Variants in NT5DC3 observed in about 807,000 individuals in gnomAD.
NT5DC3 encodes 5'-nucleotidase domain containing 3.
NT5DC3 carries 42 observed loss-of-function variants against 67.8 expected under a neutral mutation model. The observed-to-expected ratio is 0.62, with a 90% CI of 0.48 to 0.80. The LOEUF is 0.80. NT5DC3 is among the 30% of genes least tolerant of loss of function. The pLI, the probability that NT5DC3 is intolerant of heterozygous loss-of-function variation, is 0.00. For missense variants in NT5DC3, 570 were observed against 696.4 expected, an observed-to-expected ratio of 0.82 and a Z score of 2.04; for synonymous variants, 237 against 255.6, an observed-to-expected ratio of 0.93 and a Z score of 0.69.
At chr12:103,766,405 C>T, downstream of NT5DC3, 1 of 1,537,936 alleles carries the variant, frequency 6.5e-7, no homozygotes, top group Non-Finnish European at 8.8e-7. Context: ...TTCTCAGCAC[C>T]AGTTGCCTTT....
In NT5DC3 at chr12:103,822,022, T is replaced by C. The variant is rs189381487; in HGVS notation, c.209-6901A>G. On this transcript the variant is annotated intron_variant, in intron 1 of 13. Transcript: ENST00000392876. ...TCAAGTAAGACTTTCCTTCAAATTA[T>C]GCTATAAAACAAAACACCATGTGAG... 25 of 152,336 alleles carry C rather than the reference T, an allele frequency of 1.6e-4. 1 individual carries two copies. The East Asian group carries it at 4.8e-3, about 29-fold the overall frequency. The allele number at this position is 152,336 out of a possible 1,614,324, so 9.4% of individuals were successfully genotyped here. A position where few individuals can be genotyped will look rare whatever the true frequency, so the allele number is the denominator to read the frequency against.
chr12:103,750,649 C>T, the NT5DC3 span: 2 of 1,614,242 alleles, frequency 1.2e-6, no homozygotes, highest in Non-Finnish European at 1.7e-6. Flanking sequence ...GAGCAGCTGC[C>T]CATTGACCGC....
chr12:103,780,139 G>A (rs1885488855), intron 13 of NT5DC3, among the ~76,000 whole-genome samples, 161 bp downstream of exon 13: 1 of 152,242 alleles, frequency 6.6e-6, no homozygotes, highest in South Asian at 2.1e-4. Flanking sequence ...GTTACCAACA[G>A]CAGGTAGCTG....
chr12:103,779,324 C>T (rs1885455314), intron 13 of NT5DC3, among the ~76,000 whole-genome samples: 1 of 152,206 alleles, frequency 6.6e-6, no homozygotes, highest in South Asian at 2.1e-4. Context: ...TGGCTGGGAC[C>T]CTACACACAG....
chr12:103,805,953 C>G (rs1348874973), intron 4 of NT5DC3, among the ~76,000 whole-genome samples: 1 of 151,792 alleles, frequency 6.6e-6, no homozygotes, highest in East Asian at 1.9e-4. Flanking sequence ...TGCTCCAAGT[C>G]TCCTCATCAG....
chr12:103,803,869 CAA>C (rs58966670), intron 4 of NT5DC3, among the ~76,000 whole-genome samples: 1 of 98,406 alleles, frequency 1.0e-5, no homozygotes, highest in African/African-American at 3.6e-5. Context: ...ACCCCCCCCC[CAA>C]AAAAATGTGT....
intron 1 of NT5DC3, 59 bp downstream of exon 1, chr12:103,840,890 C>T (rs1225533046): frequency 3.6e-6 from 4 of 1,114,026 alleles, no homozygotes; most frequent in African/African-American, 1.6e-5. Flanking sequence ...GCGCCCGCTT[C>T]CCAGCTGAGC....
intron 1 of NT5DC3, among the ~76,000 whole-genome samples, chr12:103,838,618 C>T (rs2139497553): frequency 6.6e-6 from 1 of 152,290 alleles, no homozygotes; most frequent in Non-Finnish European, 1.5e-5. Context: ...ACACAAAAAC[C>T]TGTACACAAA....
chr12:103,748,302 C>T, the NT5DC3 span, among the ~76,000 whole-genome samples: 1 of 152,124 alleles, frequency 6.6e-6, no homozygotes, highest in Non-Finnish European at 1.5e-5. Context: ...CAAGTGGCTG[C>T]ATAAATGCAG....
chr12:103,840,808 T>G, intron 1 of NT5DC3, 141 bp downstream of exon 1: 4 of 385,558 alleles, frequency 1.0e-5, no homozygotes, highest in Non-Finnish European at 9.1e-6. Flanking sequence ...TGCCTGCGGC[T>G]GGGGGTGTGG....
the NT5DC3 span, chr12:103,750,468 T>C: frequency 2.9e-6 from 4 of 1,394,990 alleles, no homozygotes; most frequent in Admixed American, 3.8e-5. Context: ...AGGCACGTTC[T>C]CTTGGTCCAT....
intron 1 of NT5DC3, among the ~76,000 whole-genome samples, chr12:103,835,258 C>A (rs1225775516): frequency 3.3e-5 from 5 of 152,080 alleles, no homozygotes; most frequent in Non-Finnish European, 7.3e-5. Flanking sequence ...CAGACTTCAA[C>A]AAGAGGAGAG....
At chr12:103,790,775 T>C (rs57853714) in intron 9 of NT5DC3, among the ~76,000 whole-genome samples, 3,214 of 116,438 alleles carry the variant, frequency 0.028, 133 homozygotes, top group African/African-American at 0.091. Context: ...ACCTCGGCTC[T>C]GCCTCCCAGG....
At chr12:103,839,407 C>T (rs1441850203) in intron 1 of NT5DC3, among the ~76,000 whole-genome samples, 1 of 152,152 alleles carries the variant, frequency 6.6e-6, no homozygotes, top group Non-Finnish European at 1.5e-5. Context: ...AGCCACGACG[C>T]CTGCCTAAAT....
At chr12:103,769,492 T>C (rs2139280101), downstream of NT5DC3, among the ~76,000 whole-genome samples, 1 of 152,362 alleles carries the variant, frequency 6.6e-6, no homozygotes. Context: ...GGGTCTTTGC[T>C]ATGTCCAGTT....
chr12:103,835,806 G>A (rs756102082), intron 1 of NT5DC3, among the ~76,000 whole-genome samples: 35 of 152,074 alleles, frequency 2.3e-4, no homozygotes, highest in Non-Finnish European at 5.0e-4. Context: ...CCAAACTCTG[G>A]TCCAACGGTA....
At chr12:103,788,676 T>C (rs918260818) in intron 10 of NT5DC3, among the ~76,000 whole-genome samples, 162 bp downstream of exon 10, 1 of 152,196 alleles carries the variant, frequency 6.6e-6, no homozygotes, top group African/African-American at 2.4e-5. Context: ...TGAAAATATA[T>C]TGATTTAAAC....
chr12:103,806,042 G>A (rs909202557), intron 4 of NT5DC3, among the ~76,000 whole-genome samples: 1 of 151,936 alleles, frequency 6.6e-6, no homozygotes, highest in African/African-American at 2.4e-5. Flanking sequence ...CCCGACCTCT[G>A]AGCACATTTC....
intron 2 of NT5DC3, among the ~76,000 whole-genome samples, chr12:103,809,583 T>C (rs760867152): frequency 6.6e-6 from 1 of 152,212 alleles, no homozygotes; most frequent in Non-Finnish European, 1.5e-5. Flanking sequence ...GAAAGTCACA[T>C]CTTACATGGC....
Sources: gnomAD v4.1 joint callset for allele counts (sites outside exome capture counted in the v4.1 genomes callset) on GRCh38, gnomAD v4.1.1 for gene constraint, MANE v1.5 for transcripts, NCBI Gene and HGNC (gene_info 2026-07-23, HGNC 2026-07-21) for gene names.